CFAP299: variants seen among roughly 807,000 people sequenced by gnomAD.
The protein encoded by CFAP299 is cilia- and flagella-associated protein 299.
CFAP299 carries 21 observed loss-of-function variants against 27.0 expected under a neutral mutation model. That is an observed-to-expected ratio of 0.78 (90% CI 0.55 to 1.12). CFAP299 has a LOEUF of 1.12. Among genes scored for constraint, CFAP299 ranks in the 50% most tolerant of loss-of-function variants. CFAP299 has a pLI of 0.00. For missense variants in CFAP299, 310 were observed against 276.6 expected, an observed-to-expected ratio of 1.12 and a Z score of -0.86; for synonymous variants, 104 against 98.1, an observed-to-expected ratio of 1.06 and a Z score of -0.36.
At chr4:80,497,042 C>T (rs747301512) in intron 2 of CFAP299, among the ~76,000 whole-genome samples, 22 of 152,136 alleles carry the variant, frequency 1.4e-4, no homozygotes, top group Non-Finnish European at 2.1e-4. Context: ...AATCCAGTCA[C>T]CTCCCACCAG....
chr4:80,939,724 T>C (rs1737096356), intron 4 of CFAP299, among the ~76,000 whole-genome samples: 1 of 152,190 alleles, frequency 6.6e-6, no homozygotes, highest in Non-Finnish European at 1.5e-5. Flanking sequence ...CTTCATATTT[T>C]TAAAGTTTTG....
At chr4:80,584,901 T>C (rs1490816702) in intron 3 of CFAP299, among the ~76,000 whole-genome samples, 1 of 151,836 alleles carries the variant, frequency 6.6e-6, no homozygotes, top group Non-Finnish European at 1.5e-5. Flanking sequence ...GGGCAGAAAA[T>C]GAATAATCAA....
rs370197930 is a variant in CFAP299 at position 80,937,307 on chromosome 4, TCTTTC to T, written c.477-7502_477-7498del. Among the ~76,000 whole-genome samples, 751 of 132,618 alleles carry T rather than the reference TCTTTC, an allele frequency of 5.7e-3. 19 individuals carry two copies. The highest frequency in any genetic ancestry group is 0.017 in the African/African-American group (528 of 30,502). 87.0% of individuals were successfully genotyped at this position (132,618 alleles called of 152,430 possible). A position where few individuals can be genotyped will look rare whatever the true frequency, so the allele number is the denominator to read the frequency against. ...ATCATTTTTCTTTTTTCTTTTTTTTTCTTTCTTTTTTTTTTTTTTTTTTTTTTGAG... is the reference window on the plus strand; with the variant it reads ...ATCATTTTTCTTTTTTCTTTTTTTTTTTTTTTTTTTTTTTTTTTTTTTGAG... On this transcript the variant is annotated intron_variant, in intron 4 of 5. Transcript: ENST00000358105.
intron 3 of CFAP299, among the ~76,000 whole-genome samples, chr4:80,749,585 C>T (rs1350519175): frequency 1.3e-5 from 2 of 152,192 alleles, no homozygotes; most frequent in Non-Finnish European, 2.9e-5. Flanking sequence ...GCTGACAGTG[C>T]AGCCTTCAGT....
At chr4:80,427,249 T>G (rs192054790) in intron 2 of CFAP299, among the ~76,000 whole-genome samples, 1 of 152,202 alleles carries the variant, frequency 6.6e-6, no homozygotes, top group Admixed American at 6.5e-5. Context: ...ATATAATTCC[T>G]TTCCACCAAC....
At chr4:80,932,415 CA>C (rs1474019479) in intron 4 of CFAP299, among the ~76,000 whole-genome samples, 19 of 152,154 alleles carry the variant, frequency 1.2e-4, no homozygotes, top group African/African-American at 4.6e-4. Flanking sequence ...ATATTCCTAT[CA>C]ACCCAAATAA....
chr4:80,885,384 A>G (rs192092890), intron 4 of CFAP299, among the ~76,000 whole-genome samples: 15 of 152,292 alleles, frequency 9.8e-5, no homozygotes, highest in African/African-American at 3.6e-4. Context: ...GGGAGACACA[A>G]GATGTTGCAG....
chr4:80,480,174 C>T lies in CFAP299; in HGVS notation c.243-102919C>T, dbSNP rs139692149. The stretch of plus-strand genomic sequence containing the variant: ...ATACTTTCTCATGGGTTACATAGTA[C>T]TCCAAAGATTTTTACATACAAATGT... On this transcript the variant is annotated intron_variant, in intron 2 of 5. Transcript: ENST00000358105. Among the ~76,000 whole-genome samples, 764 of 151,844 alleles carry T rather than the reference C, an allele frequency of 5.0e-3. 4 individuals are homozygous for T. Among genetic ancestry groups the T allele is most frequent in the Middle Eastern group, 0.017 (5 of 294 alleles).
intron 4 of CFAP299, among the ~76,000 whole-genome samples, chr4:80,894,233 A>T (rs569926258): frequency 6.6e-6 from 1 of 151,166 alleles, no homozygotes; most frequent in South Asian, 2.1e-4. Flanking sequence ...ACAGGGATGT[A>T]AAAAAAAAGA....
At chr4:80,588,845 C>T (rs1024647982) in intron 3 of CFAP299, among the ~76,000 whole-genome samples, 3 of 152,130 alleles carry the variant, frequency 2.0e-5, no homozygotes, top group African/African-American at 7.2e-5. Flanking sequence ...TCCTTGAACT[C>T]TTAATATTTA....
intron 3 of CFAP299, among the ~76,000 whole-genome samples, chr4:80,692,514 C>T (rs566915714): frequency 6.6e-6 from 1 of 152,126 alleles, no homozygotes; most frequent in Non-Finnish European, 1.5e-5. Context: ...GAAATTGGAT[C>T]CCTTCCTTAC....
intron 3 of CFAP299, among the ~76,000 whole-genome samples, chr4:80,861,429 C>T (rs1732350508): frequency 6.6e-6 from 1 of 152,122 alleles, no homozygotes. Context: ...GACCTGTGCC[C>T]ACTGTCTGGC....
chr4:80,874,425 C>T (rs935316067), intron 4 of CFAP299, among the ~76,000 whole-genome samples: 1 of 152,174 alleles, frequency 6.6e-6, no homozygotes, highest in Non-Finnish European at 1.5e-5. Context: ...ACATGATCCT[C>T]AATATTTCCA....
chr4:80,951,977 T>A (rs1215930442), intron 5 of CFAP299, among the ~76,000 whole-genome samples: 2 of 152,172 alleles, frequency 1.3e-5, no homozygotes, highest in Admixed American at 1.3e-4. Flanking sequence ...TCTTCTTATT[T>A]GGATCATTAT....
At chr4:80,798,653 A>G (rs1403609329) in intron 3 of CFAP299, among the ~76,000 whole-genome samples, 1 of 152,024 alleles carries the variant, frequency 6.6e-6, no homozygotes, top group African/African-American at 2.4e-5. Flanking sequence ...ATCTTAGCAG[A>G]TTTGAGGCTC....
chr4:80,955,761 GGAGGCT>G (rs1322494706), intron 5 of CFAP299, among the ~76,000 whole-genome samples: 1 of 152,146 alleles, frequency 6.6e-6, no homozygotes, highest in African/African-American at 2.4e-5. Context: ...CAGCACTTTG[GGAGGCT>G]GAGGCAGGCA....
intron 3 of CFAP299, among the ~76,000 whole-genome samples, chr4:80,807,443 T>C (rs1728920626): frequency 6.6e-6 from 1 of 152,114 alleles, no homozygotes; most frequent in Admixed American, 6.6e-5. Flanking sequence ...TTTTAGATTA[T>C]CACAAAAAGG....
At chr4:80,945,673 AG>A (rs2110231798) in intron 5 of CFAP299, among the ~76,000 whole-genome samples, 1 of 152,268 alleles carries the variant, frequency 6.6e-6, no homozygotes, top group African/African-American at 2.4e-5. Context: ...AAAATCCAAA[AG>A]CAAGAAAAAG....
At chr4:80,795,672 A>G (rs1033111802) in intron 3 of CFAP299, among the ~76,000 whole-genome samples, 4 of 151,852 alleles carry the variant, frequency 2.6e-5, no homozygotes, top group Non-Finnish European at 5.9e-5. Flanking sequence ...CATACATACC[A>G]CTTCTATTTG....
Sources: gnomAD v4.1 joint callset for allele counts (sites outside exome capture counted in the v4.1 genomes callset) on GRCh38, gnomAD v4.1.1 for gene constraint, MANE v1.5 for transcripts, NCBI Gene and HGNC (gene_info 2026-07-23, HGNC 2026-07-21) for gene names.